The following FGD4 variants were observed in gnomAD, a reference collection of about 807,000 sequenced individuals.
FGD4 encodes FYVE, RhoGEF and PH domain containing 4.
In FGD4, 42 loss-of-function variants were observed where a neutral mutation model predicts 102.0. The observed-to-expected ratio is 0.41, with a 90% CI of 0.32 to 0.53. The LOEUF (loss-of-function observed/expected upper bound fraction) is 0.53. FGD4 is among the 20% of genes least tolerant of loss of function. The probability of loss-of-function intolerance (pLI) is 0.21; values close to 1 mark genes in which losing one functional copy is unlikely to be tolerated. For synonymous variants in FGD4, 380 were observed against 375.7 expected, an observed-to-expected ratio of 1.01 and a Z score of -0.13; for missense variants, 902 against 1,078.2, an observed-to-expected ratio of 0.84 and a Z score of 2.29.
chr12:32,588,432 A>G (rs957774938), intron 4 of FGD4, among the ~76,000 whole-genome samples: 5 of 151,956 alleles, frequency 3.3e-5, no homozygotes, highest in African/African-American at 1.2e-4. Context: ...CATCATGGCT[A>G]TTAGTGTGAA....
At chr12:32,467,663 A>G (rs1447263306) in intron 1 of FGD4, among the ~76,000 whole-genome samples, 1 of 152,220 alleles carries the variant, frequency 6.6e-6, no homozygotes, top group Non-Finnish European at 1.5e-5. Context: ...TATTTGATTT[A>G]AAACCAATCT....
intron 1 of FGD4, among the ~76,000 whole-genome samples, chr12:32,479,931 C>T (rs776326037): frequency 6.7e-6 from 1 of 150,290 alleles, no homozygotes; most frequent in Non-Finnish European, 1.5e-5. Flanking sequence ...TGGGACCACA[C>T]ATGCGTACCT....
Position 32,399,635 on chromosome 12 carries a change from G to A in FGD4, c.-159G>A. 1 of 1,405,132 alleles carries A rather than the reference G, an allele frequency of 7.1e-7. No homozygotes were observed. The highest frequency in any genetic ancestry group is 9.2e-7 in the Non-Finnish European group (1 of 1,087,606). The allele number at this position is 1,405,132 out of a possible 1,614,324, so 87.0% of individuals were successfully genotyped here. On this transcript the variant is annotated 5_prime_UTR_variant, in exon 1 of 17. Transcript: ENST00000534526. Reference sequence around the variant, plus strand: ...CGCGACGCCGGGAGGGAGCGTACCGGGAAGGAGAGGGAGAGGAGGCACTCG... The same window carrying A: ...CGCGACGCCGGGAGGGAGCGTACCGAGAAGGAGAGGGAGAGGAGGCACTCG...
At chr12:32,558,147 A>AC (rs1475364454) in intron 1 of FGD4, among the ~76,000 whole-genome samples, 1 of 152,218 alleles carries the variant, frequency 6.6e-6, no homozygotes, top group Non-Finnish European at 1.5e-5. Flanking sequence ...AAAATACCTG[A>AC]CCATGTTCTT....
intron 1 of FGD4, among the ~76,000 whole-genome samples, chr12:32,503,789 C>T (rs1338379635): frequency 6.6e-6 from 1 of 152,118 alleles, no homozygotes; most frequent in Non-Finnish European, 1.5e-5. Flanking sequence ...GTCAGTCTTT[C>T]ATAAGCAATA....
At chr12:32,538,994 C>T (rs1431618509) in intron 1 of FGD4, among the ~76,000 whole-genome samples, 1 of 152,028 alleles carries the variant, frequency 6.6e-6, no homozygotes, top group Non-Finnish European at 1.5e-5. Flanking sequence ...GTGGAGGTTG[C>T]AGTGAGCTGA....
intron 1 of FGD4, among the ~76,000 whole-genome samples, chr12:32,442,342 T>C (rs1000570592): frequency 6.6e-5 from 10 of 152,136 alleles, no homozygotes; most frequent in East Asian, 1.9e-4. Flanking sequence ...TGTGAGCCAC[T>C]GCGCCCGGCC....
chr12:32,571,855 G>C (rs967212828), intron 2 of FGD4, among the ~76,000 whole-genome samples: 5 of 152,080 alleles, frequency 3.3e-5, no homozygotes, highest in African/African-American at 1.2e-4. Flanking sequence ...CATAGGGGGT[G>C]GGAGAGTAGA....
At chr12:32,433,112 T>C (rs2136439725) in intron 1 of FGD4, among the ~76,000 whole-genome samples, 1 of 152,086 alleles carries the variant, frequency 6.6e-6, no homozygotes, top group East Asian at 1.9e-4. Flanking sequence ...TTCTCATGCC[T>C]CAGCCTCCGA....
intron 1 of FGD4, among the ~76,000 whole-genome samples, chr12:32,428,100 T>G (rs981431509): frequency 4.6e-5 from 7 of 152,206 alleles, no homozygotes; most frequent in Non-Finnish European, 1.0e-4. Context: ...TTTGATCCTG[T>G]CATTATGATG....
chr12:32,618,384 G>A (rs899066080), intron 10 of FGD4, among the ~76,000 whole-genome samples: 1 of 152,118 alleles, frequency 6.6e-6, no homozygotes, highest in African/African-American at 2.4e-5. Context: ...AGTGTTAACA[G>A]GAAAAACTTA....
At chr12:32,580,161 G>C (rs1460806606) in intron 3 of FGD4, among the ~76,000 whole-genome samples, 1 of 152,158 alleles carries the variant, frequency 6.6e-6, no homozygotes, top group Non-Finnish European at 1.5e-5. Flanking sequence ...TTTAGAGTTG[G>C]ATTCATGGTT....
At chr12:32,632,418 GTCC>G (rs1213838488) in intron 14 of FGD4, among the ~76,000 whole-genome samples, 1 of 152,214 alleles carries the variant, frequency 6.6e-6, no homozygotes, top group East Asian at 1.9e-4. Context: ...GTTTGGAGGA[GTCC>G]TCCTTGAGGA....
chr12:32,580,357 T>C (rs1946505883), intron 3 of FGD4, among the ~76,000 whole-genome samples: 1 of 152,200 alleles, frequency 6.6e-6, no homozygotes, highest in South Asian at 2.1e-4. Context: ...GCTGTTATTA[T>C]TGTCACAATC....
rs2136650004 is a variant in FGD4, at chr12:32,601,378, A to T, written c.1202A>T (p.His401Leu). Residue 401 changes from histidine to leucine, a missense_variant, in exon 6 of 17, where the codon CAT becomes CTT. By Grantham distance (99) the His-to-Leu change is moderately conservative. This residue lies in a region of FGD4 where 459 missense variants were observed against 619.0 expected (regional missense o/e 0.74). Transcript: ENST00000534526. ...FSNISSINAF[H>L]SKFLLPELEK... The stretch of plus-strand genomic sequence containing the variant: ...AATATTTCATCAATAAATGCCTTCC[A>T]TAGTAAATTCCTCTTGCCAGAGCTG... 6.2e-7 allele frequency: 1 copy of T among 1,614,166 alleles called. No individual in the cohort carries two copies. The highest frequency in any genetic ancestry group is 8.5e-7 in the Non-Finnish European group (1 of 1,180,010).
chr12:32,526,502 T>C (rs1210216992), intron 1 of FGD4, among the ~76,000 whole-genome samples: 1 of 152,138 alleles, frequency 6.6e-6, no homozygotes, highest in Non-Finnish European at 1.5e-5. Flanking sequence ...TGTATCTAGC[T>C]CAGGGATTGT....
intron 15 of FGD4, 97 bp from the exon 16 acceptor site, chr12:32,638,558 C>A: frequency 6.7e-7 from 1 of 1,499,638 alleles, no homozygotes; most frequent in Non-Finnish European, 9.2e-7. Context: ...TTTGGATAGT[C>A]CAGGGAAACA....
chr12:32,541,583 G>A (rs999309650), intron 1 of FGD4, among the ~76,000 whole-genome samples: 4 of 151,984 alleles, frequency 2.6e-5, no homozygotes, highest in Non-Finnish European at 5.9e-5. Context: ...CCAGGCTGGT[G>A]TCAATCTCCT....
At chr12:32,633,058 T>TA (rs751831545) in intron 14 of FGD4, among the ~76,000 whole-genome samples, 4 of 152,254 alleles carry the variant, frequency 2.6e-5, no homozygotes, top group Admixed American at 6.5e-5. Flanking sequence ...ATTTAAGAAA[T>TA]ATTTAGGAAG....
Sources: gnomAD v4.1 joint callset for allele counts (sites outside exome capture counted in the v4.1 genomes callset) on GRCh38, gnomAD v4.1.1 for gene constraint, gnomAD v4.1.1 regional missense constraint, MANE v1.5 for transcripts, NCBI Gene and HGNC (gene_info 2026-07-23, HGNC 2026-07-21) for gene names.